MYADM: variants seen among roughly 807,000 people sequenced by gnomAD.
MYADM encodes the protein myeloid-associated differentiation marker.
For synonymous variants in MYADM, 224 were observed against 210.2 expected, an observed-to-expected ratio of 1.07 and a Z score of -0.57; for missense variants, 416 against 443.4, an observed-to-expected ratio of 0.94 and a Z score of 0.56.
chr19:53,873,988 C>G lies in MYADM; in HGVS notation c.459C>G (p.Thr153=). 1.2e-6 allele frequency: 2 copies of G among 1,609,110 alleles called. No individual in the cohort carries two copies. Among genetic ancestry groups the G allele is most frequent in the Non-Finnish European group, 1.7e-6 (2 of 1,180,002 alleles). The change falls in exon 3 of 3, where the codon ACC becomes ACG. Residue 153 remains threonine (T), a synonymous_variant. Transcript: ENST00000391770. The surrounding 1 kb of genome is among the most constrained non-coding windows in gnomAD (Gnocchi z 4.3). ...GCATCGCGTGTGTGGCTTACGCCACCGAAGTGGCCTGGACCCGGGCCCGGC... is the reference window on the plus strand; with the variant it reads ...GCATCGCGTGTGTGGCTTACGCCACGGAAGTGGCCTGGACCCGGGCCCGGC... ...FSCIACVAYA[T]EVAWTRARPG... is the part of the protein sequence containing the mutation.
upstream of MYADM, chr19:53,866,229 C>T (rs1380575216): frequency 6.5e-6 from 1 of 152,852 alleles, no homozygotes; most frequent in Non-Finnish European, 1.5e-5. The surrounding 1 kb of genome is among the most constrained non-coding windows in gnomAD (Gnocchi z 4.3). Context: ...GCTTCCACTC[C>T]TGGACTCGGC....
Position 53,874,330 on chromosome 19 carries a change from T to C in MYADM, c.801T>C (p.Tyr267=). ...LWPLYQFDEK[Y]GGQPRRSRDV... is the part of the protein sequence containing the mutation. ...CCCTCTACCAGTTCGATGAGAAGTA[T>C]GGCGGCCAGCCTCGGCGCTCGAGAG... The change falls in exon 3 of 3, where the codon TAT becomes TAC. Residue 267 remains tyrosine (Y), a synonymous_variant. Transcript: ENST00000391770. 2 of 1,613,134 alleles carry C rather than the reference T, an allele frequency of 1.2e-6. No homozygotes were observed. The highest frequency in any genetic ancestry group is 2.7e-5 in the African/African-American group (2 of 75,066).
At chr19:53,871,788 G>A (rs1157161618) in intron 2 of MYADM, among the ~76,000 whole-genome samples, 1 of 152,162 alleles carries the variant, frequency 6.6e-6, no homozygotes, top group African/African-American at 2.4e-5. Flanking sequence ...GAAGTTGAGA[G>A]ATGGGGTTTT....
At position 53,868,740 on chromosome 19, in the gene MYADM, G is replaced by A. The variant is rs1023222217; in HGVS notation, c.-88+797G>A. ...TGTGGCCCGGAGAGTCGGGTGCGCT[G>A]CGAGGAATCCCGGAGGGGTGTTTCC... On this transcript the variant is annotated intron_variant, in intron 1 of 2. Transcript: ENST00000391770. This position sits in a 1 kb window ranked among gnomAD's most constrained non-coding sequence, Gnocchi z 6.3. 5.9e-5 allele frequency among the ~76,000 whole-genome samples: 9 copies of A among 152,140 alleles called. No individual in the cohort carries two copies. In the South Asian group the frequency reaches 6.2e-4, roughly 11 times the overall value.
chr19:53,873,559 C>G lies in MYADM; in HGVS notation c.30C>G (p.Ile10Met), dbSNP rs1186660061. 3 of 1,609,258 alleles carry G rather than the reference C, an allele frequency of 1.9e-6. No individual in the cohort carries two copies. In the East Asian group the frequency reaches 6.7e-5, roughly 36 times the overall value. Residue 10 changes from isoleucine to methionine, a missense_variant, in exon 3 of 3, where the codon ATC becomes ATG. Physicochemically the swap from Ile to Met is conservative, Grantham distance 10 (BLOSUM62 1). Transcript: ENST00000391770. This position sits in a 1 kb window ranked among gnomAD's most constrained non-coding sequence, Gnocchi z 4.3. ...CAGTGACGGTAACCCGCACCACCAT[C>G]ACAACCACCACGACGTCATCTTCGG... MPVTVTRTTITTTTTSSSGL... is the reference protein window; with the variant it reads MPVTVTRTTMTTTTTSSSGL...
intron 1 of MYADM, chr19:53,869,466 AC>A (rs1483255489): frequency 6.5e-6 from 1 of 152,768 alleles, no homozygotes; most frequent in Non-Finnish European, 1.5e-5. Context: ...GCCCGCCTCC[AC>A]AGCCGCCGCC....
At chr19:53,872,256 T>C (rs1599920283) in intron 2 of MYADM, among the ~76,000 whole-genome samples, 1 of 151,392 alleles carries the variant, frequency 6.6e-6, no homozygotes, top group Non-Finnish European at 1.5e-5. Context: ...AGTGCAGGGG[T>C]TCTATCTTGG....
intron 2 of MYADM, among the ~76,000 whole-genome samples, chr19:53,870,582 C>T (rs188338839): frequency 3.9e-4 from 60 of 152,260 alleles, no homozygotes; most frequent in African/African-American, 1.3e-3. Flanking sequence ...CGAGTCCAGG[C>T]CCTGGCTCCT....
upstream of MYADM, among the ~76,000 whole-genome samples, chr19:53,867,415 G>A (rs1379183867): frequency 6.6e-6 from 1 of 151,796 alleles, no homozygotes; most frequent in East Asian, 1.9e-4. Context: ...GGGTGGGGGC[G>A]GAACAGACCA....
upstream of MYADM, chr19:53,865,878 G>A (rs1362208858): frequency 6.6e-6 from 1 of 152,102 alleles, no homozygotes; most frequent in African/African-American, 2.4e-5. Flanking sequence ...GAACCTAGAG[G>A]CGTCCCAGGG....
chr19:53,871,734 C>T (rs1160434713), intron 2 of MYADM, among the ~76,000 whole-genome samples: 2 of 151,938 alleles, frequency 1.3e-5, no homozygotes, highest in African/African-American at 4.8e-5. Context: ...AGGAAGTTTG[C>T]TCACAGGGTC....
At position 53,874,126 on chromosome 19, in the gene MYADM, C is replaced by G. The variant is rs550331558; in HGVS notation, c.597C>G (p.His199Gln). Reference protein sequence around the residue: ...AFISDPNLYQHQPALEWCVAV... With the variant: ...AFISDPNLYQQQPALEWCVAV... ...TCAGCGACCCCAACCTGTACCAGCA[C>G]CAGCCGGCCCTGGAGTGGTGCGTGG... is the stretch of plus-strand genomic sequence containing the variant. The change falls in exon 3 of 3, where the codon CAC becomes CAG. Residue 199 changes from histidine to glutamine, a missense_variant. Transcript: ENST00000391770. 6.2e-7 allele frequency: 1 copy of G among 1,613,372 alleles called. No individual in the cohort carries two copies. Among genetic ancestry groups the G allele is most frequent in the South Asian group, 1.1e-5 (1 of 91,090 alleles).
upstream of MYADM, among the ~76,000 whole-genome samples, chr19:53,866,902 G>C (rs2068254040): frequency 6.6e-6 from 1 of 152,134 alleles, no homozygotes; most frequent in Non-Finnish European, 1.5e-5. This position sits in a 1 kb window ranked among gnomAD's most constrained non-coding sequence, Gnocchi z 4.3. Context: ...GGGCTCAAGG[G>C]ATCCTCCCTC....
Position 53,875,242 on chromosome 19 carries a change from G to T in MYADM, c.*744G>T. ...TGTGTGTGTGTGTGTTTGGGGGGTG[G>T]GGGGTGGGTAGCTGGGGATTGGGCC... On this transcript the variant is annotated 3_prime_UTR_variant, in exon 3 of 3. Transcript: ENST00000391770. 1 of 148,288 alleles carries T rather than the reference G, an allele frequency of 6.7e-6. No homozygotes were observed. 9.2% of individuals were successfully genotyped at this position (148,288 alleles called of 1,614,324 possible). A position where few individuals can be genotyped will look rare whatever the true frequency, so the allele number is the denominator to read the frequency against.
chr19:53,867,830 G>A (rs942607054), upstream of MYADM: 3 of 62,124 alleles, frequency 4.8e-5, no homozygotes, highest in Non-Finnish European at 1.1e-4. Context: ...CCCCGGCCCC[G>A]CCCCCGTCCC....
In MYADM at chr19:53,874,653, A is replaced by T. The variant is rs2068485757; in HGVS notation, c.*155A>T. On this transcript the variant is annotated 3_prime_UTR_variant, in exon 3 of 3. Transcript: ENST00000391770. Reference sequence around the variant, plus strand: ...TTTTCTTTCCTTCCCAATTCCTTGCACTCTAACCAGTTCTTGGATGCATCT... The same window carrying T: ...TTTTCTTTCCTTCCCAATTCCTTGCTCTCTAACCAGTTCTTGGATGCATCT... The T allele has an allele frequency of 1.3e-6, 1 of 778,724 alleles. No individual in the cohort carries two copies. The highest frequency in any genetic ancestry group is 1.9e-6 in the Non-Finnish European group (1 of 517,048). 48.2% of individuals were successfully genotyped at this position (778,724 alleles called of 1,614,324 possible).
Position 53,868,598 on chromosome 19 carries a change from C to T in MYADM, c.-88+655C>T, listed in dbSNP as rs1036631881. Among the ~76,000 whole-genome samples the T allele has an allele frequency of 6.6e-6, 1 of 152,154 alleles. No individual in the cohort carries two copies. Among genetic ancestry groups the T allele is most frequent in the Non-Finnish European group, 1.5e-5 (1 of 68,016 alleles). On this transcript the variant is annotated intron_variant, in intron 1 of 2. Transcript: ENST00000391770. The surrounding 1 kb of genome is among the most constrained non-coding windows in gnomAD (Gnocchi z 6.3). ...GCTGGGAAAGGAGGAGAAGACAGGG[C>T]TGCGTCCCGCACCTCTGGGTGCCGA...
At chr19:53,872,986 C>T (rs2068424119) in intron 2 of MYADM, among the ~76,000 whole-genome samples, 1 of 152,128 alleles carries the variant, frequency 6.6e-6, no homozygotes, top group Admixed American at 6.5e-5. Context: ...AAATAGGGGC[C>T]TAGACTCCTG....
intron 1 of MYADM, chr19:53,869,532 C>G (rs944984049): frequency 1.3e-5 from 2 of 152,622 alleles, no homozygotes; most frequent in African/African-American, 2.4e-5. Flanking sequence ...GTTAAGATCA[C>G]ACACGCGCCC....
Sources: allele counts gnomAD v4.1 joint callset (sites outside exome capture counted in the v4.1 genomes callset), GRCh38; gene constraint gnomAD v4.1.1; non-coding constraint Gnocchi (gnomAD v3.1); transcripts MANE v1.5; gene names NCBI Gene and HGNC (gene_info 2026-07-23, HGNC 2026-07-21).